Variants in SGIP1 observed in about 807,000 individuals in gnomAD.
The protein encoded by SGIP1 is SH3-containing GRB2-like protein 3-interacting protein 1.
SGIP1 carries 38 observed loss-of-function variants against 107.5 expected under a neutral mutation model. The observed-to-expected ratio is 0.35, with a 90% CI of 0.27 to 0.46. SGIP1 has a LOEUF of 0.46. SGIP1 is among the 20% of genes least tolerant of loss of function. The probability of loss-of-function intolerance (pLI) is 1.00; values close to 1 mark genes in which losing one functional copy is unlikely to be tolerated. For missense variants in SGIP1, 929 were observed against 1,019.5 expected (o/e 0.91, Z 1.21); for synonymous variants, 365 against 366.1 (o/e 1.00, Z 0.03).
intron 20 of SGIP1, among the ~76,000 whole-genome samples, chr1:66,732,555 A>C (rs1446421560): frequency 2.0e-5 from 3 of 152,122 alleles, no homozygotes; most frequent in African/African-American, 7.2e-5. Flanking sequence ...CACTGGTCAC[A>C]CTGAGACTTG....
intron 20 of SGIP1, among the ~76,000 whole-genome samples, chr1:66,733,400 A>G (rs953350664): frequency 1.3e-5 from 2 of 152,204 alleles, no homozygotes; most frequent in Non-Finnish European, 2.9e-5. Context: ...TTAACTGACT[A>G]ATTTAGACAA....
intron 1 of SGIP1, chr1:66,615,906 C>T (rs779332072): frequency 4.6e-5 from 7 of 152,122 alleles, no homozygotes; most frequent in Non-Finnish European, 7.4e-5. Context: ...AAAGTATTCT[C>T]CTTCATGCAA....
intron 1 of SGIP1, among the ~76,000 whole-genome samples, chr1:66,546,387 A>G (rs1011022535): frequency 2.6e-5 from 4 of 152,244 alleles, no homozygotes; most frequent in African/African-American, 9.6e-5. Context: ...ATAAGAAGAT[A>G]CATAGAAGAA....
Position 66,643,568 on chromosome 1 carries a change from C to G in SGIP1, c.308C>G (p.Ser103Cys). 1 of 1,608,326 alleles carries G rather than the reference C, an allele frequency of 6.2e-7. No individual in the cohort carries two copies. The highest frequency in any genetic ancestry group is 1.1e-5 in the South Asian group (1 of 89,982). ...CCTACCAAAGGAAAGCACTTTTATT[C>G]TTCAAGTGAATCGGAAGAAGAAGAA... Reference protein sequence around the residue: ...PGSTKGKHFYSSSESEEEEES... With the variant: ...PGSTKGKHFYCSSESEEEEES... The change falls in exon 7 of 25, where the codon TCT becomes TGT. Residue 103 changes from serine (S) to cysteine (C), a missense_variant. By Grantham distance (112) the Ser-to-Cys change is moderately radical. This residue lies in a region of SGIP1 where 588 missense variants were observed against 588.6 expected (regional missense o/e 1.00). Transcript: ENST00000371037.
intron 1 of SGIP1, among the ~76,000 whole-genome samples, chr1:66,576,676 T>A (rs1407169751): frequency 1.3e-5 from 2 of 152,186 alleles, no homozygotes; most frequent in African/African-American, 2.4e-5. Context: ...CTAGAAAGAT[T>A]TACAGTGTTT....
chr1:66,547,452 C>T (rs545932659), intron 1 of SGIP1, among the ~76,000 whole-genome samples: 43 of 152,120 alleles, frequency 2.8e-4, no homozygotes, highest in Non-Finnish European at 4.4e-4. Flanking sequence ...AAGTCTAATC[C>T]TCTTTATCCA....
At chr1:66,654,142 A>ATC (rs1471064633) in intron 7 of SGIP1, among the ~76,000 whole-genome samples, 1 of 152,198 alleles carries the variant, frequency 6.6e-6, no homozygotes, top group East Asian at 1.9e-4. Context: ...TGTATGCCGT[A>ATC]TCTAGCTCTG....
At chr1:66,663,998 T>C (rs115154435) in intron 8 of SGIP1, among the ~76,000 whole-genome samples, 1 of 152,178 alleles carries the variant, frequency 6.6e-6, no homozygotes, top group Non-Finnish European at 1.5e-5. Context: ...CAATCTAGAC[T>C]CTATTTTTCA....
chr1:66,537,817 T>C (rs552367634), intron 1 of SGIP1, among the ~76,000 whole-genome samples: 3 of 152,170 alleles, frequency 2.0e-5, no homozygotes, highest in African/African-American at 7.2e-5. Flanking sequence ...CTTTCAAAAG[T>C]AAAAATAATG....
intron 18 of SGIP1, among the ~76,000 whole-genome samples, chr1:66,709,304 C>T (rs2092750531): frequency 6.6e-6 from 1 of 151,440 alleles, no homozygotes; most frequent in Non-Finnish European, 1.5e-5. Context: ...ACATGTAGCA[C>T]TCTGAAAAGC....
intron 7 of SGIP1, among the ~76,000 whole-genome samples, chr1:66,649,117 T>C (rs1013305581): frequency 1.3e-5 from 2 of 152,230 alleles, no homozygotes; most frequent in African/African-American, 2.4e-5. Flanking sequence ...TGTGTTTTCA[T>C]GTCCTGGGTT....
Position 66,671,012 on chromosome 1 carries a change from CT to C in SGIP1, c.503del (p.Leu168TyrfsTer19). 1 of 1,391,638 alleles carries C rather than the reference CT, an allele frequency of 7.2e-7. No individual in the cohort carries two copies. The highest frequency in any genetic ancestry group is 9.9e-7 in the Non-Finnish European group (1 of 1,006,880). The allele number at this position is 1,391,638 out of a possible 1,614,324, so 86.2% of individuals were successfully genotyped here. A position where few individuals can be genotyped will look rare whatever the true frequency, so the allele number is the denominator to read the frequency against. ...AATTCTAGGGTGCAATTAAAAGGAA[CT>C]TATCCAGTAAGTATATCTTAGCTAC... Reference protein sequence around the residue: ...RRSPGAIKRNLSSEEVARPRR... With the variant: ...RRSPGAIKRNXSSEEVARPRR... On this transcript the variant is annotated frameshift_variant, in exon 10 of 25. Coordinates refer to ENST00000371037, the MANE Select transcript of SGIP1 (RefSeq NM_032291.4). LOFTEE classifies it high-confidence loss of function.
rs2094562791 is a variant in SGIP1, at chr1:66,747,086, C to T, written c.*3991C>T. On this transcript the variant is annotated 3_prime_UTR_variant, in exon 25 of 25. Transcript: ENST00000371037. Reference sequence around the variant, plus strand: ...TCTGAAATTCCATGATTCTACTTTACTCAGATATACCACCTTTTGTGGCAT... The same window carrying T: ...TCTGAAATTCCATGATTCTACTTTATTCAGATATACCACCTTTTGTGGCAT... 6.6e-6 allele frequency: 1 copy of T among 152,054 alleles called. No individual in the cohort carries two copies. The highest frequency in any genetic ancestry group is 6.6e-5 in the Admixed American group (1 of 15,262). 9.4% of individuals were successfully genotyped at this position (152,054 alleles called of 1,614,324 possible).
At chr1:66,659,569 T>C (rs187388907) in intron 7 of SGIP1, among the ~76,000 whole-genome samples, 5 of 152,150 alleles carry the variant, frequency 3.3e-5, no homozygotes, top group Admixed American at 6.5e-5. Flanking sequence ...AGGCATAATT[T>C]TTTTATTGTC....
Position 66,737,153 on chromosome 1 carries a change from T to C in SGIP1, c.2032-2182T>C, listed in dbSNP as rs12044350. ...TGTAATTTTTTCTCTGAATGAGAAG[T>C]TAAATTTCGAGGCAGAAGTTAACTT... is the stretch of plus-strand genomic sequence containing the variant. On this transcript the variant is annotated intron_variant, in intron 21 of 24. Transcript: ENST00000371037. Among the ~76,000 whole-genome samples the C allele has an allele frequency of 1.5e-3, 232 of 152,290 alleles. 6 individuals are homozygous for C. The East Asian group carries it at 0.041, about 27-fold the overall frequency.
intron 18 of SGIP1, among the ~76,000 whole-genome samples, chr1:66,700,827 C>T (rs1382560024): frequency 6.6e-6 from 1 of 152,172 alleles, no homozygotes; most frequent in African/African-American, 2.4e-5. Context: ...TTTGACCCCA[C>T]TGAGACCTCT....
intron 1 of SGIP1, among the ~76,000 whole-genome samples, chr1:66,603,758 T>C (rs975056839): frequency 6.6e-6 from 1 of 152,232 alleles, no homozygotes; most frequent in East Asian, 1.9e-4. Context: ...AAGATTATTA[T>C]CTTTGATAGA....
chr1:66,572,669 A>AT (rs1487076968), intron 1 of SGIP1, among the ~76,000 whole-genome samples: 1 of 151,976 alleles, frequency 6.6e-6, no homozygotes, highest in Non-Finnish European at 1.5e-5. Flanking sequence ...TCTCTGAGTG[A>AT]TTTTAAGTTC....
intron 9 of SGIP1, among the ~76,000 whole-genome samples, chr1:66,668,169 T>G (rs1383228128): frequency 6.6e-6 from 1 of 152,152 alleles, no homozygotes; most frequent in Non-Finnish European, 1.5e-5. Flanking sequence ...AAAACTGTCG[T>G]TTTCCTCAAG....
Sources: allele counts gnomAD v4.1 joint callset (sites outside exome capture counted in the v4.1 genomes callset), GRCh38; gene constraint gnomAD v4.1.1; regional missense constraint gnomAD v4.1.1; transcripts MANE v1.5; gene names NCBI Gene and HGNC (gene_info 2026-07-23, HGNC 2026-07-21).